Variants in PDE3A observed in about 807,000 individuals in gnomAD.
PDE3A encodes phosphodiesterase 3A.
A neutral mutation model predicts 98.3 loss-of-function variants in PDE3A; 43 were observed. The observed-to-expected ratio is 0.44, with a 90% CI of 0.34 to 0.56. The LOEUF (loss-of-function observed/expected upper bound fraction) is 0.56. Ranked by LOEUF, PDE3A falls within the 20% of genes least tolerant of loss-of-function variation. The probability of loss-of-function intolerance (pLI) is 0.01; values close to 1 mark genes in which losing one functional copy is unlikely to be tolerated. For synonymous variants in PDE3A, 663 were observed against 567.9 expected, an observed-to-expected ratio of 1.17 and a Z score of -2.38; for missense variants, 1,427 against 1,440.7, an observed-to-expected ratio of 0.99 and a Z score of 0.15.
chr12:20,403,630 T>A (rs1476128304), intron 1 of PDE3A, among the ~76,000 whole-genome samples: 1 of 152,014 alleles, frequency 6.6e-6, no homozygotes, highest in African/African-American at 2.4e-5. Flanking sequence ...ATGAAGTCAT[T>A]TAACATCAGA....
rs562009782 is a variant in PDE3A, at chr12:20,376,831, A to G, written c.960+6587A>G. The stretch of plus-strand genomic sequence containing the variant: ...AATATCAGAGGAGGTCATGAAGAAC[A>G]TTACCATTTCGAAGATGGAAAGCTA... On this transcript the variant is annotated intron_variant, in intron 1 of 15. Coordinates refer to ENST00000359062, the MANE Select transcript of PDE3A (RefSeq NM_000921.5). 5.9e-5 allele frequency among the ~76,000 whole-genome samples: 9 copies of G among 151,938 alleles called. No homozygotes were observed. The South Asian group carries it at 1.5e-3, about 24-fold the overall frequency.
chr12:20,488,841 A>G (rs1945776606), intron 1 of PDE3A, among the ~76,000 whole-genome samples: 1 of 149,934 alleles, frequency 6.7e-6, no homozygotes, highest in Non-Finnish European at 1.5e-5. Flanking sequence ...TAATTGCACC[A>G]CTATACTGCA....
intron 6 of PDE3A, among the ~76,000 whole-genome samples, chr12:20,631,913 A>T (rs968257872): frequency 6.9e-6 from 1 of 144,822 alleles, no homozygotes; most frequent in Non-Finnish European, 1.5e-5. Context: ...AGGCACAGAG[A>T]GCTCCAGAAA....
chr12:20,673,983 G>C (rs971944092), intron 15 of PDE3A, among the ~76,000 whole-genome samples: 3 of 152,116 alleles, frequency 2.0e-5, no homozygotes, highest in African/African-American at 7.2e-5. Flanking sequence ...ATTCGTGTGT[G>C]TTGTCTTCAA....
chr12:20,659,968 A>G (rs1945125825), intron 15 of PDE3A, among the ~76,000 whole-genome samples: 1 of 152,204 alleles, frequency 6.6e-6, no homozygotes, highest in Non-Finnish European at 1.5e-5. Flanking sequence ...AGAAAAGTCC[A>G]TATACCAGGT....
At chr12:20,658,338 T>A (rs986166315) in intron 15 of PDE3A, among the ~76,000 whole-genome samples, 3 of 152,196 alleles carry the variant, frequency 2.0e-5, no homozygotes, top group Non-Finnish European at 2.9e-5. Flanking sequence ...CACCCAGTGT[T>A]ATTTAATTCT....
intron 1 of PDE3A, among the ~76,000 whole-genome samples, chr12:20,503,228 G>A (rs11045286): frequency 4.3e-3 from 651 of 151,890 alleles, no homozygotes; most frequent in Non-Finnish European, 6.0e-3. Flanking sequence ...AGGTTGATAT[G>A]CTAGTTTAGA....
chr12:20,570,416 A>G (rs1285242413), intron 2 of PDE3A, among the ~76,000 whole-genome samples: 1 of 146,206 alleles, frequency 6.8e-6, no homozygotes, highest in East Asian at 2.0e-4. Flanking sequence ...TCAAAAAAAA[A>G]AAAAAAAAAA....
Position 20,552,203 on chromosome 12 carries a change from A to T in PDE3A, c.961-4457A>T. On this transcript the variant is annotated intron_variant, in intron 1 of 15. Coordinates refer to ENST00000359062, the MANE Select transcript of PDE3A (RefSeq NM_000921.5). The surrounding 1 kb of genome is among the most constrained non-coding windows in gnomAD (Gnocchi z 5.1). ...AATGACCAAGAAGGGGCCGAGGCCA[A>T]GGACTGGCGGTCGGGGAAGCCGGTC... 6.2e-7 allele frequency: 1 copy of T among 1,613,930 alleles called. No individual in the cohort carries two copies. Among genetic ancestry groups the T allele is most frequent in the South Asian group, 1.1e-5 (1 of 91,084 alleles).
intron 1 of PDE3A, among the ~76,000 whole-genome samples, chr12:20,404,826 GTTTTTTTTTT>G (rs60736941): frequency 1.1e-5 from 1 of 95,106 alleles, no homozygotes; most frequent in Non-Finnish European, 1.9e-5. Context: ...AGGTTACAGA[GTTTTTTTTTT>G]TTTTTTTTTT....
intron 15 of PDE3A, among the ~76,000 whole-genome samples, chr12:20,673,860 T>TA (rs138273599): frequency 8.6e-5 from 13 of 151,354 alleles, no homozygotes; most frequent in East Asian, 5.8e-4. Flanking sequence ...AAAATAAAAA[T>TA]AAAAAAAATA....
intron 2 of PDE3A, among the ~76,000 whole-genome samples, chr12:20,588,095 G>A (rs113023615): frequency 2.0e-5 from 3 of 152,190 alleles, no homozygotes; most frequent in African/African-American, 7.2e-5. Context: ...GGAGGGGAGA[G>A]CAAAATTGGA....
rs1402617494 is a variant in PDE3A, at chr12:20,397,754, G to A, written c.960+27510G>A. 2.6e-5 allele frequency among the ~76,000 whole-genome samples: 4 copies of A among 151,912 alleles called. No homozygotes were observed. In the East Asian group the frequency reaches 7.7e-4, roughly 29 times the overall value. On this transcript the variant is annotated intron_variant, in intron 1 of 15. Coordinates refer to ENST00000359062, the MANE Select transcript of PDE3A (RefSeq NM_000921.5). ...CTCCTCCGTATATATTTTAAAGATG[G>A]CCTATAAACTAGATTCATTAATTCA...
rs781478511 is a variant in PDE3A, at chr12:20,646,743, C to T, written c.2366-8C>T. ...AAAACTTCTTTGACTCTCATTTTCT[C>T]TTCTCAGATTCTGACAGTGGATTTA... On this transcript the variant is annotated splice_polypyrimidine_tract_variant and splice_region_variant and intron_variant, in intron 11 of 15. Transcript: ENST00000359062. The T allele has an allele frequency of 6.3e-7, 1 of 1,584,342 alleles. No homozygotes were observed. The highest frequency in any genetic ancestry group is 8.7e-7 in the Non-Finnish European group (1 of 1,153,432).
rs1284424374 is a variant in PDE3A, at chr12:20,646,815, A to C, written c.2430A>C (p.Thr810=). 1 of 1,611,746 alleles carries C rather than the reference A, an allele frequency of 6.2e-7. No individual in the cohort carries two copies. ...TATTCTCAAAAACGTATAATGTGAC[A>C]GATGATAAATACGGATGTCTGTCTG... ...GYVFSKTYNV[T]DDKYGCLSGN... is the part of the protein sequence containing the mutation. Residue 810 remains threonine (T), a synonymous_variant, in exon 12 of 16, where the codon ACA becomes ACC. Transcript: ENST00000359062.
chr12:20,596,243 C>T (rs1943462926), intron 2 of PDE3A, among the ~76,000 whole-genome samples: 1 of 152,082 alleles, frequency 6.6e-6, no homozygotes, highest in African/African-American at 2.4e-5. Flanking sequence ...CTATTATGAC[C>T]AAATGACTTA....
intron 2 of PDE3A, among the ~76,000 whole-genome samples, chr12:20,576,019 G>C (rs536415959): frequency 6.6e-6 from 1 of 151,802 alleles, no homozygotes. Context: ...TTTTGTGGGC[G>C]CATAGTAAGT....
At chr12:20,457,044 GAA>G (rs2120910096) in intron 1 of PDE3A, among the ~76,000 whole-genome samples, 1 of 151,718 alleles carries the variant, frequency 6.6e-6, no homozygotes, top group East Asian at 1.9e-4. Context: ...TTCTTTATCA[GAA>G]GTGCATCTAT....
At chr12:20,380,157 T>C (rs1047070538) in intron 1 of PDE3A, among the ~76,000 whole-genome samples, 1 of 151,938 alleles carries the variant, frequency 6.6e-6, no homozygotes, top group African/African-American at 2.4e-5. Flanking sequence ...AGGTTCTTAC[T>C]GAATAGCTGT....
Sources: gnomAD v4.1 joint callset for allele counts (sites outside exome capture counted in the v4.1 genomes callset) on GRCh38, gnomAD v4.1.1 for gene constraint, Gnocchi (gnomAD v3.1) non-coding constraint, MANE v1.5 for transcripts, NCBI Gene and HGNC (gene_info 2026-07-23, HGNC 2026-07-21) for gene names.